Variants in LIPK observed in about 807,000 individuals in gnomAD.
LIPK encodes lipase family member K, also known as lipase member K.
LIPK carries 32 observed loss-of-function variants against 48.6 expected under a neutral mutation model. The ratio of observed to expected loss-of-function variants is 0.66; its 90% CI spans 0.50 to 0.88. LIPK has a LOEUF of 0.88. Ranked by LOEUF, LIPK falls within the 40% of genes least tolerant of loss-of-function variation. The pLI is 0.00. For synonymous variants in LIPK, 164 were observed against 157.4 expected (o/e 1.04, Z -0.32); for missense variants, 507 against 478.5 (o/e 1.06, Z -0.56).
At chr10:88,735,002 C>G (rs930294932) in intron 6 of LIPK, among the ~76,000 whole-genome samples, 4 of 152,102 alleles carry the variant, frequency 2.6e-5, no homozygotes, top group Admixed American at 2.0e-4. Flanking sequence ...TTCATTGATG[C>G]TGCCAGTTCT....
At chr10:88,729,802 C>T (rs969603930) in intron 3 of LIPK, among the ~76,000 whole-genome samples, 2 of 152,192 alleles carry the variant, frequency 1.3e-5, no homozygotes, top group African/African-American at 4.8e-5. Flanking sequence ...GTACAACTTA[C>T]TCACTCTCAG....
In LIPK at chr10:88,726,932, G is replaced by A. The variant is rs1564980223; in HGVS notation, c.223+20G>A. On this transcript the variant is annotated intron_variant, in intron 3 of 9. Coordinates refer to ENST00000404190, the MANE Select transcript of LIPK (RefSeq NM_001080518.2). ...GGACAGGTATTATTTATTTTGTTAT[G>A]AAAGGAAAAATACTTAAAGCAGAGG... 3.6e-6 allele frequency: 5 copies of A among 1,403,262 alleles called. No homozygotes were observed. The highest frequency in any genetic ancestry group is 5.0e-6 in the Non-Finnish European group (5 of 1,005,428). The allele number at this position is 1,403,262 out of a possible 1,614,324, so 86.9% of individuals were successfully genotyped here. A position where few individuals can be genotyped will look rare whatever the true frequency, so the allele number is the denominator to read the frequency against.
chr10:88,715,795 C>A (rs1253901532), intron 1 of LIPK, among the ~76,000 whole-genome samples: 1 of 149,782 alleles, frequency 6.7e-6, no homozygotes, highest in Non-Finnish European at 1.5e-5. Flanking sequence ...TTTCTCCTTC[C>A]TTCCTTCCTG....
chr10:88,737,329 A>G (rs1335635326), intron 6 of LIPK, among the ~76,000 whole-genome samples: 1 of 152,188 alleles, frequency 6.6e-6, no homozygotes, highest in African/African-American at 2.4e-5. Flanking sequence ...CTCCTAAGGT[A>G]TAGAACGTGT....
At chr10:88,747,011 C>T (rs1842778162) in intron 9 of LIPK, among the ~76,000 whole-genome samples, 1 of 152,072 alleles carries the variant, frequency 6.6e-6, no homozygotes, top group Non-Finnish European at 1.5e-5. Context: ...ACTAGAAAAT[C>T]TAGAAGAAAT....
At chr10:88,738,749 A>G (rs781565840) in intron 7 of LIPK, among the ~76,000 whole-genome samples, 2 of 152,228 alleles carry the variant, frequency 1.3e-5, no homozygotes, top group Non-Finnish European at 2.9e-5. Flanking sequence ...AACACCCTTG[A>G]GTATTCATTG....
chr10:88,748,152 A>G (rs1478975751), intron 9 of LIPK, among the ~76,000 whole-genome samples: 2 of 152,136 alleles, frequency 1.3e-5, no homozygotes, highest in Non-Finnish European at 2.9e-5. Context: ...TCCTCAGCAA[A>G]CTAACACAGG....
intron 8 of LIPK, among the ~76,000 whole-genome samples, chr10:88,740,362 C>T (rs1317502364): frequency 6.6e-6 from 1 of 152,170 alleles, no homozygotes; most frequent in Non-Finnish European, 1.5e-5. Context: ...AAGTCATCAG[C>T]TCTAATAGAA....
chr10:88,746,394 C>T (rs1000206099), intron 9 of LIPK, among the ~76,000 whole-genome samples: 3 of 141,000 alleles, frequency 2.1e-5, no homozygotes, highest in Non-Finnish European at 4.7e-5. Context: ...CAATTCTCAA[C>T]AAATTAAAAA....
intron 1 of LIPK, among the ~76,000 whole-genome samples, chr10:88,711,081 T>C (rs1564971587): frequency 1.3e-5 from 2 of 152,186 alleles, no homozygotes; most frequent in South Asian, 2.1e-4. Context: ...TTGTGTTTAT[T>C]GACCTTCCAT....
At chr10:88,736,040 G>T (rs924780377) in intron 6 of LIPK, among the ~76,000 whole-genome samples, 1 of 151,948 alleles carries the variant, frequency 6.6e-6, no homozygotes, top group Non-Finnish European at 1.5e-5. Flanking sequence ...TTATTTAATG[G>T]AATATTTGAT....
At chr10:88,723,021 A>AT (rs1426558274) in intron 1 of LIPK, among the ~76,000 whole-genome samples, 7 of 151,160 alleles carry the variant, frequency 4.6e-5, no homozygotes, top group African/African-American at 1.7e-4. Flanking sequence ...AGTAGCTGGG[A>AT]CTACAGGTGC....
intron 9 of LIPK, among the ~76,000 whole-genome samples, chr10:88,752,081 G>C (rs1430854799): frequency 6.6e-6 from 1 of 152,120 alleles, no homozygotes; most frequent in African/African-American, 2.4e-5. Flanking sequence ...TTCATGCCTT[G>C]GTCTCAATGC....
intron 1 of LIPK, among the ~76,000 whole-genome samples, chr10:88,711,371 T>C (rs1293129201): frequency 6.6e-6 from 1 of 152,190 alleles, no homozygotes; most frequent in Non-Finnish European, 1.5e-5. Context: ...TTACCCTTTG[T>C]GTGCGTGGCA....
chr10:88,743,839 G>A (rs183181743), intron 9 of LIPK, among the ~76,000 whole-genome samples: 2 of 152,300 alleles, frequency 1.3e-5, no homozygotes, highest in African/African-American at 4.8e-5. Flanking sequence ...AGTTAAATAG[G>A]AGTGCAATGG....
At chr10:88,716,597 T>C (rs546934691) in intron 1 of LIPK, among the ~76,000 whole-genome samples, 13 of 152,266 alleles carry the variant, frequency 8.5e-5, no homozygotes, top group African/African-American at 2.4e-4. Flanking sequence ...CCTCAGGTGA[T>C]CCACACGCCT....
intron 2 of LIPK, among the ~76,000 whole-genome samples, chr10:88,726,133 C>T (rs556427910): frequency 6.6e-6 from 1 of 152,268 alleles, no homozygotes; most frequent in East Asian, 1.9e-4. Context: ...TTATTAGCCA[C>T]AGGGTACTCC....
chr10:88,737,260 A>G (rs1842590930), intron 6 of LIPK, among the ~76,000 whole-genome samples: 2 of 152,226 alleles, frequency 1.3e-5, no homozygotes, highest in African/African-American at 4.8e-5. Flanking sequence ...AGCCCTACCC[A>G]GTAGAAAATT....
At chr10:88,728,245 G>T in intron 3 of LIPK, 1 of 189,500 alleles carries the variant, frequency 5.3e-6, no homozygotes, top group Non-Finnish European at 1.1e-5. Flanking sequence ...TTGGACAACA[G>T]CCGAGTCCTG....
Sources: gnomAD v4.1 joint callset for allele counts (sites outside exome capture counted in the v4.1 genomes callset) on GRCh38, gnomAD v4.1.1 for gene constraint, MANE v1.5 for transcripts, NCBI Gene and HGNC (gene_info 2026-07-23, HGNC 2026-07-21) for gene names.